Variants in PTPRN2 observed in about 807,000 individuals in gnomAD.
PTPRN2 encodes the protein receptor-type tyrosine-protein phosphatase N2.
PTPRN2 carries 74 observed loss-of-function variants against 118.8 expected under a neutral mutation model. That is an observed-to-expected ratio of 0.62 (90% CI 0.52 to 0.76). PTPRN2 has a LOEUF of 0.76. Among genes scored for constraint, PTPRN2 ranks in the 30% least tolerant of loss-of-function variants. The pLI, the probability that PTPRN2 is intolerant of heterozygous loss-of-function variation, is 0.00. For synonymous variants in PTPRN2, 641 were observed against 608.0 expected, an observed-to-expected ratio of 1.05 and a Z score of -0.80; for missense variants, 1,481 against 1,394.4, an observed-to-expected ratio of 1.06 and a Z score of -0.99.
intron 12 of PTPRN2, among the ~76,000 whole-genome samples, chr7:157,722,940 C>T (rs1312341399): frequency 6.6e-6 from 1 of 152,118 alleles, no homozygotes; most frequent in African/African-American, 2.4e-5. Flanking sequence ...ACTGAATCAA[C>T]AGCCCACCGC....
At chr7:158,523,380 G>GTCTGCCCTGGAGCGGAGTCA (rs1200437579) in intron 1 of PTPRN2, among the ~76,000 whole-genome samples, 96 of 136,378 alleles carry the variant, frequency 7.0e-4, no homozygotes, top group African/African-American at 2.4e-3. Flanking sequence ...GAGTGGAGTC[G>GTCTGCCCTGGAGCGGAGTCA]TCTGCCCTGG....
chr7:157,814,445 AGGATGGGAACAG>A (rs1163826788), intron 12 of PTPRN2, among the ~76,000 whole-genome samples: 1 of 149,236 alleles, frequency 6.7e-6, no homozygotes, highest in Non-Finnish European at 1.5e-5. Flanking sequence ...GGACGGGAGC[AGGATGGGAACAG>A]GAGGGGACAG....
chr7:158,343,872 GC>G (rs1256725152), intron 2 of PTPRN2, among the ~76,000 whole-genome samples: 3 of 151,090 alleles, frequency 2.0e-5, no homozygotes, highest in Non-Finnish European at 3.0e-5. Context: ...CTACAATCGA[GC>G]TCAGGTAAAG....
At chr7:158,431,400 A>ACACAATGGCTCACACTGGG (rs1816167074) in intron 2 of PTPRN2, among the ~76,000 whole-genome samples, 1 of 144,318 alleles carries the variant, frequency 6.9e-6, no homozygotes, top group Admixed American at 6.9e-5. Flanking sequence ...CACCTCGAGC[A>ACACAATGGCTCACACTGGG]CACAATGGCT....
chr7:158,486,711 A>G (rs1821058324), intron 2 of PTPRN2, among the ~76,000 whole-genome samples: 2 of 152,230 alleles, frequency 1.3e-5, no homozygotes, highest in African/African-American at 4.8e-5. Flanking sequence ...GAAGCATTCG[A>G]TTACGTTAAA....
intron 2 of PTPRN2, among the ~76,000 whole-genome samples, chr7:158,404,993 G>A (rs1252135128): frequency 8.2e-6 from 1 of 122,596 alleles, no homozygotes; most frequent in Non-Finnish European, 1.6e-5. Flanking sequence ...CAGCTCCCCA[G>A]CCTCCAGCTC....
chr7:157,824,395 G>A, intron 12 of PTPRN2, among the ~76,000 whole-genome samples: 1 of 152,190 alleles, frequency 6.6e-6, no homozygotes, highest in East Asian at 1.9e-4. Flanking sequence ...TGTTAAGGAT[G>A]GGAGGCCTCT....
chr7:157,624,703 G>A (rs528842868), intron 14 of PTPRN2, among the ~76,000 whole-genome samples: 4 of 152,304 alleles, frequency 2.6e-5, no homozygotes, highest in Admixed American at 6.5e-5. Flanking sequence ...GTTGGGGGCC[G>A]TCTATACTGT....
chr7:158,303,368 T>G (rs925863657), intron 3 of PTPRN2, among the ~76,000 whole-genome samples: 6 of 152,162 alleles, frequency 3.9e-5, no homozygotes, highest in Non-Finnish European at 8.8e-5. Flanking sequence ...ATCTGCTAAA[T>G]AAAGAGATGT....
chr7:157,966,911 ACT>A (rs775193042), intron 11 of PTPRN2, among the ~76,000 whole-genome samples: 9 of 152,022 alleles, frequency 5.9e-5, no homozygotes, highest in Non-Finnish European at 1.3e-4. Flanking sequence ...CTTCATCACC[ACT>A]CTCATCATCA....
intron 1 of PTPRN2, among the ~76,000 whole-genome samples, chr7:158,557,274 T>G (rs1827096419): frequency 1.5e-5 from 2 of 135,412 alleles, no homozygotes; most frequent in Admixed American, 7.3e-5. Context: ...CCCGCGCAGG[T>G]CAGGCGGCTC....
rs574203805 is a variant in PTPRN2, at chr7:158,067,838, C to T, written c.1723+13460G>A. On this transcript the variant is annotated intron_variant, in intron 11 of 22. Coordinates refer to ENST00000389418, the MANE Select transcript of PTPRN2 (RefSeq NM_002847.5). ...GGGCCGTGGGCAGCACACTGGGTCA[C>T]GCTGGGCCATGGGCAGCACACTGGG... 2.1e-4 allele frequency among the ~76,000 whole-genome samples: 32 copies of T among 151,454 alleles called. No individual in the cohort carries two copies. The East Asian group carries it at 5.5e-3, about 26-fold the overall frequency.
intron 12 of PTPRN2, among the ~76,000 whole-genome samples, chr7:157,726,096 A>G (rs10274335): frequency 0.14 from 3,226 of 23,288 alleles, 550 homozygotes; most frequent in Non-Finnish European, 0.19. Context: ...CCAGACCCTC[A>G]CCTCCCAGGA....
At chr7:157,970,731 C>T (rs762869948) in intron 11 of PTPRN2, among the ~76,000 whole-genome samples, 5 of 152,010 alleles carry the variant, frequency 3.3e-5, no homozygotes, top group South Asian at 2.1e-4. Context: ...ATGGACAGCC[C>T]AGCAGGGGTA....
At position 157,632,501 on chromosome 7, in the gene PTPRN2, C is replaced by G. The variant is rs914043715; in HGVS notation, c.2197-10992G>C. On this transcript the variant is annotated intron_variant, in intron 14 of 22. Transcript: ENST00000389418. This position sits in a 1 kb window ranked among gnomAD's most constrained non-coding sequence, Gnocchi z 4.3. The stretch of plus-strand genomic sequence containing the variant: ...AGTAATTTTTTCCTTACCACCTACT[C>G]TTACTAAGTAGGGGAAAGTCTTGTT... Among the ~76,000 whole-genome samples, 1 of 152,198 alleles carries G rather than the reference C, an allele frequency of 6.6e-6. No homozygotes were observed. The highest frequency in any genetic ancestry group is 1.5e-5 in the Non-Finnish European group (1 of 68,032).
chr7:158,100,284 G>A (rs1010772136), intron 10 of PTPRN2, among the ~76,000 whole-genome samples: 3 of 145,980 alleles, frequency 2.1e-5, no homozygotes, highest in East Asian at 2.0e-4. Flanking sequence ...TGTGTGCCAC[G>A]ATTTCTTTAT....
chr7:158,281,098 G>A (rs554777340), intron 3 of PTPRN2, among the ~76,000 whole-genome samples: 1 of 152,320 alleles, frequency 6.6e-6, no homozygotes, highest in South Asian at 2.1e-4. Context: ...GAGATCAGGA[G>A]TTCAAGACCA....
intron 5 of PTPRN2, among the ~76,000 whole-genome samples, chr7:158,189,178 A>G (rs1444465933): frequency 1.3e-5 from 2 of 152,144 alleles, no homozygotes; most frequent in African/African-American, 2.4e-5. Context: ...TAATGTGTGG[A>G]TGTTGCGGCT....
chr7:158,001,025 G>A lies in PTPRN2; in HGVS notation c.1723+80273C>T, dbSNP rs1396060590. ...GCAGGGTGGGGGGTGGGGTTTGGCC[G>A]CAGGTGGGGTGCATGGTGGGGGCTG... On this transcript the variant is annotated intron_variant, in intron 11 of 22. Coordinates refer to ENST00000389418, the MANE Select transcript of PTPRN2 (RefSeq NM_002847.5). 6.5e-3 allele frequency among the ~76,000 whole-genome samples: 3 copies of A among 460 alleles called. 1 individual carries two copies. The highest frequency in any genetic ancestry group is 0.017 in the Non-Finnish European group (3 of 174). 0.3% of individuals were successfully genotyped at this position (460 alleles called of 152,430 possible).
Sources: gnomAD v4.1 joint callset for allele counts (sites outside exome capture counted in the v4.1 genomes callset) on GRCh38, gnomAD v4.1.1 for gene constraint, Gnocchi (gnomAD v3.1) non-coding constraint, MANE v1.5 for transcripts, NCBI Gene and HGNC (gene_info 2026-07-23, HGNC 2026-07-21) for gene names.